CADPS: variants seen among roughly 807,000 people sequenced by gnomAD.
CADPS encodes the protein calcium-dependent secretion activator 1.
CADPS carries 57 observed loss-of-function variants against 167.3 expected under a neutral mutation model. That is an observed-to-expected ratio of 0.34 (90% CI 0.28 to 0.42). CADPS has a LOEUF of 0.42. CADPS is among the 20% of genes least tolerant of loss of function. The probability of loss-of-function intolerance (pLI) is 1.00; values close to 1 mark genes in which losing one functional copy is unlikely to be tolerated. For missense variants in CADPS, 1,414 were observed against 1,738.1 expected, an observed-to-expected ratio of 0.81 and a Z score of 3.32; for synonymous variants, 676 against 635.3, an observed-to-expected ratio of 1.06 and a Z score of -0.96.
chr3:62,441,846 T>C (rs1258227062), intron 27 of CADPS, among the ~76,000 whole-genome samples: 1 of 152,192 alleles, frequency 6.6e-6, no homozygotes, highest in African/African-American at 2.4e-5. Flanking sequence ...GCATTAATGC[T>C]TGCAAAAGCT....
chr3:62,763,411 G>A (rs1394804873), intron 2 of CADPS, among the ~76,000 whole-genome samples: 1 of 152,206 alleles, frequency 6.6e-6, no homozygotes, highest in Non-Finnish European at 1.5e-5. Flanking sequence ...CCATCCCGCT[G>A]GTAACTTTGG....
chr3:62,434,485 G>C (rs565855314), intron 28 of CADPS, among the ~76,000 whole-genome samples: 3 of 151,972 alleles, frequency 2.0e-5, no homozygotes, highest in African/African-American at 7.3e-5. Flanking sequence ...ACCCAGTTAG[G>C]CAACATTATG....
chr3:62,466,171 G>A (rs907737764), intron 25 of CADPS, among the ~76,000 whole-genome samples, 168 bp downstream of exon 25: 6 of 152,190 alleles, frequency 3.9e-5, no homozygotes, highest in African/African-American at 9.6e-5. Context: ...CACACGGCTC[G>A]AGATCATCGG....
chr3:62,875,039 T>G lies in CADPS; in HGVS notation c.-10A>C. The G allele has an allele frequency of 1.3e-6, 2 of 1,575,212 alleles. No individual in the cohort carries two copies. Among genetic ancestry groups the G allele is most frequent in the Non-Finnish European group, 8.6e-7 (1 of 1,160,008 alleles). ...ACGAAGGGTCCAGCATAGTGGCGCC[T>G]GGGGAGCGGGGTCTCTGGAGCCCCC... On this transcript the variant is annotated 5_prime_UTR_variant, in exon 1 of 30. Transcript: ENST00000383710.
At chr3:62,812,597 T>C (rs1262912049) in intron 1 of CADPS, among the ~76,000 whole-genome samples, 1 of 152,208 alleles carries the variant, frequency 6.6e-6, no homozygotes, top group Non-Finnish European at 1.5e-5. Flanking sequence ...ACAACTGGCA[T>C]GTGCTGCTTC....
rs372189271 is a variant in CADPS, at chr3:62,746,464, T to A, written c.888+6977A>T. 2.6e-5 allele frequency among the ~76,000 whole-genome samples: 4 copies of A among 152,100 alleles called. No individual in the cohort carries two copies. The East Asian group carries it at 5.8e-4, about 22-fold the overall frequency. On this transcript the variant is annotated intron_variant, in intron 3 of 29. Transcript: ENST00000383710. Reference sequence around the variant, plus strand: ...GATTCTCCCACCTTGGCCCCTCAAGTAAGCTGGGACCACAGGTACATGCCA... The same window carrying A: ...GATTCTCCCACCTTGGCCCCTCAAGAAAGCTGGGACCACAGGTACATGCCA...
chr3:62,585,103 G>T, intron 8 of CADPS, 82 bp downstream of exon 8: 1 of 1,300,950 alleles, frequency 7.7e-7, no homozygotes, highest in Non-Finnish European at 1.1e-6. Flanking sequence ...GTTCTCTGAA[G>T]ATCTTGTGTT....
chr3:62,789,983 C>T (rs2092792405), intron 1 of CADPS, among the ~76,000 whole-genome samples: 2 of 152,006 alleles, frequency 1.3e-5, no homozygotes, highest in African/African-American at 4.8e-5. Context: ...TCCATGCTCT[C>T]AGGGAGTTTA....
At chr3:62,429,707 A>G (rs906007572) in intron 28 of CADPS, among the ~76,000 whole-genome samples, 1 of 148,530 alleles carries the variant, frequency 6.7e-6, no homozygotes, top group Admixed American at 7.2e-5. Context: ...AGTCTGCCAT[A>G]AGAAAAAAAA....
rs751417831 is a variant in CADPS, at chr3:62,652,421, A to T, written c.970-1341T>A. On this transcript the variant is annotated intron_variant, in intron 4 of 29. Transcript: ENST00000383710. ...GGCCAAAAAAAAAAAAAAAAAAAAA[A>T]AATAAGCTGTGTAACATATGGGCAT... 5.9e-3 allele frequency among the ~76,000 whole-genome samples: 855 copies of T among 145,568 alleles called. 2 individuals carry two copies. Among genetic ancestry groups the T allele is most frequent in the Non-Finnish European group, 0.01 (688 of 66,000 alleles).
At chr3:62,872,102 T>C (rs1227693567) in intron 1 of CADPS, among the ~76,000 whole-genome samples, 4 of 139,884 alleles carry the variant, frequency 2.9e-5, no homozygotes, top group Non-Finnish European at 6.2e-5. Context: ...CATATCATCC[T>C]ATCCCTTTCT....
At chr3:62,561,560 A>G (rs576179559) in intron 9 of CADPS, among the ~76,000 whole-genome samples, 1 of 152,162 alleles carries the variant, frequency 6.6e-6, no homozygotes, top group South Asian at 2.1e-4. Context: ...ATGAGCCACC[A>G]CACCTGGCCA....
chr3:62,790,577 G>A (rs1422280280), intron 1 of CADPS, among the ~76,000 whole-genome samples: 5 of 152,162 alleles, frequency 3.3e-5, no homozygotes, highest in African/African-American at 7.2e-5. Flanking sequence ...TACTAGTTCA[G>A]CAAATATCAT....
intron 1 of CADPS, among the ~76,000 whole-genome samples, chr3:62,776,772 G>A (rs2090417082): frequency 6.6e-6 from 1 of 152,124 alleles, no homozygotes; most frequent in South Asian, 2.1e-4. Context: ...GAAGAGAGGA[G>A]GGCCCTGAAT....
At chr3:62,639,556 T>C (rs369834725) in intron 6 of CADPS, among the ~76,000 whole-genome samples, 17 of 152,294 alleles carry the variant, frequency 1.1e-4, no homozygotes, top group Middle Eastern at 3.4e-3. Flanking sequence ...TCTGTGTTAT[T>C]CCCCACTCTA....
intron 2 of CADPS, 120 bp downstream of exon 2, chr3:62,765,751 T>G (rs2086677570): frequency 1.7e-6 from 1 of 575,080 alleles, no homozygotes; most frequent in African/African-American, 1.8e-5. Flanking sequence ...CCAACCCATT[T>G]GCCTTAGGAA....
chr3:62,773,452 G>A (rs1303288879), intron 1 of CADPS, among the ~76,000 whole-genome samples: 1 of 152,006 alleles, frequency 6.6e-6, no homozygotes, highest in South Asian at 2.1e-4. Flanking sequence ...AAGTTGAAGG[G>A]GGAAAAACAT....
intron 23 of CADPS, among the ~76,000 whole-genome samples, chr3:62,477,540 C>A (rs1052452483): frequency 6.6e-6 from 1 of 152,158 alleles, no homozygotes; most frequent in African/African-American, 2.4e-5. Context: ...ATGGGAGGAG[C>A]TCAAATGATG....
intron 3 of CADPS, among the ~76,000 whole-genome samples, chr3:62,743,148 A>G (rs2080661430): frequency 6.6e-6 from 1 of 152,202 alleles, no homozygotes; most frequent in East Asian, 1.9e-4. Flanking sequence ...GCTGTTAAGA[A>G]AAAGGAATGC....
Sources: allele counts gnomAD v4.1 joint callset (sites outside exome capture counted in the v4.1 genomes callset), GRCh38; gene constraint gnomAD v4.1.1; transcripts MANE v1.5; gene names NCBI Gene and HGNC (gene_info 2026-07-23, HGNC 2026-07-21).